The following CDH11 variants were observed in gnomAD, a reference collection of about 807,000 sequenced individuals.
The protein encoded by CDH11 is cadherin-11.
In CDH11, 11 loss-of-function variants were observed where a neutral mutation model predicts 67.8. The observed-to-expected ratio is 0.16, with a 90% CI of 0.10 to 0.27. CDH11 has a LOEUF of 0.27. CDH11 is among the 10% of genes least tolerant of loss of function. CDH11 has a pLI of 1.00. For missense variants in CDH11, 847 were observed against 1,031.2 expected, an observed-to-expected ratio of 0.82 and a Z score of 2.45; for synonymous variants, 419 against 400.0, an observed-to-expected ratio of 1.05 and a Z score of -0.57.
chr16:65,005,049 C>T lies in CDH11; in HGVS notation c.-172-8G>A. 1 of 1,341,818 alleles carries T rather than the reference C, an allele frequency of 7.5e-7. No individual in the cohort carries two copies. Among genetic ancestry groups the T allele is most frequent in the Non-Finnish European group, 9.5e-7 (1 of 1,049,006 alleles). The allele number at this position is 1,341,818 out of a possible 1,614,324, so 83.1% of individuals were successfully genotyped here. The stretch of plus-strand genomic sequence containing the variant: ...CACGTCCCCAGTTAGCTTCTGCAAG[C>T]AGAGAGAGGTTGGATTAACTGCAGG... On this transcript the variant is annotated splice_region_variant and splice_polypyrimidine_tract_variant and intron_variant, in intron 2 of 12. Coordinates refer to ENST00000268603, the MANE Select transcript of CDH11 (RefSeq NM_001797.4).
chr16:65,060,698 T>G (rs1215701542), intron 1 of CDH11, among the ~76,000 whole-genome samples: 11 of 152,186 alleles, frequency 7.2e-5, no homozygotes, highest in Non-Finnish European at 7.3e-5. Context: ...TGTCTCCTTG[T>G]CATGTATAAA....
chr16:65,049,628 G>A (rs534720981), intron 2 of CDH11, among the ~76,000 whole-genome samples: 1 of 152,258 alleles, frequency 6.6e-6, no homozygotes, highest in Admixed American at 6.5e-5. Context: ...ACACAACTTT[G>A]GTTCAGGTTT....
At chr16:65,069,811 C>A (rs1051813599) in intron 1 of CDH11, among the ~76,000 whole-genome samples, 1 of 152,120 alleles carries the variant, frequency 6.6e-6, no homozygotes, top group African/African-American at 2.4e-5. Context: ...CTGGAAGCCC[C>A]TTTCATTTCA....
At chr16:65,052,069 C>A (rs2074065265) in intron 2 of CDH11, among the ~76,000 whole-genome samples, 3 of 152,138 alleles carry the variant, frequency 2.0e-5, no homozygotes, top group Admixed American at 2.0e-4. Flanking sequence ...ATATAGTAAG[C>A]ATGCAAAACC....
Position 64,946,581 on chromosome 16 carries a change from A to G in CDH11, c.*1022T>C, listed in dbSNP as rs1316451517. On this transcript the variant is annotated 3_prime_UTR_variant, in exon 13 of 13. Transcript: ENST00000268603. ...GGTTAACACCAAGAATGTACAAAAA[A>G]GCTTTACATGATGTTACAGAATCTT... The G allele has an allele frequency of 9.7e-7, 1 of 1,034,278 alleles. No individual in the cohort carries two copies. 64.1% of individuals were successfully genotyped at this position (1,034,278 alleles called of 1,614,324 possible).
At chr16:65,114,371 A>T (rs56706484) in intron 1 of CDH11, among the ~76,000 whole-genome samples, 18,843 of 152,090 alleles carry the variant, frequency 0.12, 1,282 homozygotes, top group East Asian at 0.21. Context: ...ACGCACCAAA[A>T]ACAGTGGAAA....
At chr16:64,980,853 A>G (rs2072314972) in intron 8 of CDH11, among the ~76,000 whole-genome samples, 1 of 152,114 alleles carries the variant, frequency 6.6e-6, no homozygotes, top group African/African-American at 2.4e-5. Context: ...AGGCATATAA[A>G]GAAATCCAAG....
chr16:65,115,468 A>C (rs918958396), intron 1 of CDH11, among the ~76,000 whole-genome samples: 3 of 152,178 alleles, frequency 2.0e-5, no homozygotes, highest in African/African-American at 7.2e-5. Flanking sequence ...ACTGAATCCC[A>C]AGTCTATTTC....
intron 1 of CDH11, among the ~76,000 whole-genome samples, chr16:65,100,094 G>C (rs912341837): frequency 6.6e-6 from 1 of 152,174 alleles, no homozygotes; most frequent in Admixed American, 6.5e-5. Flanking sequence ...AATGGACTGG[G>C]TGTGAGGTCT....
intron 2 of CDH11, among the ~76,000 whole-genome samples, chr16:65,010,857 C>T (rs577659950): frequency 6.6e-6 from 1 of 151,696 alleles, no homozygotes; most frequent in South Asian, 2.1e-4. Context: ...TATCCTTGGT[C>T]AGGTGCTTGA....
chr16:65,096,560 A>G (rs949816602), intron 1 of CDH11, among the ~76,000 whole-genome samples: 1 of 151,174 alleles, frequency 6.6e-6, no homozygotes, highest in Non-Finnish European at 1.5e-5. Flanking sequence ...TGCCAAATAT[A>G]TATACACACA....
At chr16:64,985,829 T>C (rs1031713593) in intron 7 of CDH11, 1 of 149,980 alleles carries the variant, frequency 6.7e-6, no homozygotes, top group African/African-American at 2.5e-5. Context: ...AACAAAGAAT[T>C]ATCCAGCCCT....
chr16:64,955,262 AAAC>A (rs900113144), intron 11 of CDH11, among the ~76,000 whole-genome samples: 4 of 152,142 alleles, frequency 2.6e-5, no homozygotes, highest in African/African-American at 9.6e-5. Context: ...ACAAAAATAA[AAAC>A]AACAACAACA....
chr16:65,056,698 T>A (rs1311078016), intron 1 of CDH11, among the ~76,000 whole-genome samples: 1 of 152,168 alleles, frequency 6.6e-6, no homozygotes, highest in East Asian at 1.9e-4. Flanking sequence ...ATGGTTGGAA[T>A]CCAGCAGTGC....
intron 2 of CDH11, among the ~76,000 whole-genome samples, chr16:65,008,345 G>A (rs1287675011): frequency 1.3e-5 from 2 of 151,978 alleles, no homozygotes; most frequent in African/African-American, 4.8e-5. Flanking sequence ...AAGAGCAATG[G>A]TCCACCATTT....
At chr16:64,952,636 A>T (rs1387907966) in intron 11 of CDH11, among the ~76,000 whole-genome samples, 1 of 150,708 alleles carries the variant, frequency 6.6e-6, no homozygotes, top group African/African-American at 2.4e-5. Flanking sequence ...TGTTCCATCA[A>T]ATTACACATA....
chr16:65,115,105 A>G (rs2075220420), intron 1 of CDH11, among the ~76,000 whole-genome samples: 1 of 152,168 alleles, frequency 6.6e-6, no homozygotes, highest in African/African-American at 2.4e-5. Flanking sequence ...GAATATCTCA[A>G]TATGGCATGC....
At position 64,947,987 on chromosome 16, in the gene CDH11, C is replaced by T. The variant is rs759544481; in HGVS notation, c.2007G>A (p.Gly669=). 1 of 1,614,098 alleles carries T rather than the reference C, an allele frequency of 6.2e-7. No homozygotes were observed. Among genetic ancestry groups the T allele is most frequent in the South Asian group, 1.1e-5 (1 of 91,070 alleles). ...NIITYDDEGG[G]EEDTEAFDIA... is the part of the protein sequence containing the mutation. ...TATCAAAGGCTTCTGTGTCTTCTTC[C>T]CCACCCCCTTCATCATCATAAGTAA... The change falls in exon 13 of 13, where the codon GGG becomes GGA. Residue 669 remains glycine, a synonymous_variant. Transcript: ENST00000268603.
In CDH11 at chr16:65,102,154, C is replaced by T. The variant is rs981256917; in HGVS notation, c.-298+19726G>A. On this transcript the variant is annotated intron_variant, in intron 1 of 12. Coordinates refer to ENST00000268603, the MANE Select transcript of CDH11 (RefSeq NM_001797.4). ...AAATGCCTGCAGACAACAGCTAATA[C>T]GACTTTTAAGGAAACTTCTGACTCT... 3.3e-5 allele frequency among the ~76,000 whole-genome samples: 5 copies of T among 152,172 alleles called. No homozygotes were observed. In the South Asian group the frequency reaches 6.2e-4, roughly 19 times the overall value.
Sources: gnomAD v4.1 joint callset for allele counts (sites outside exome capture counted in the v4.1 genomes callset) on GRCh38, gnomAD v4.1.1 for gene constraint, MANE v1.5 for transcripts, NCBI Gene and HGNC (gene_info 2026-07-23, HGNC 2026-07-21) for gene names.